Variants in SLC35F4 observed in about 807,000 individuals in gnomAD.
The protein encoded by SLC35F4 is solute carrier family 35 member F4.
Under a neutral mutation model 44.2 loss-of-function variants are expected in SLC35F4, and 24 were observed. That is an observed-to-expected ratio of 0.54 (90% CI 0.39 to 0.76). The LOEUF is 0.76. Ranked by LOEUF, SLC35F4 falls within the 30% of genes least tolerant of loss-of-function variation. SLC35F4 has a pLI of 0.00. For synonymous variants in SLC35F4, 238 were observed against 223.6 expected (o/e 1.06, Z -0.57); for missense variants, 562 against 586.1 (o/e 0.96, Z 0.42).
At chr14:57,721,488 G>C (rs915139327) in intron 1 of SLC35F4, among the ~76,000 whole-genome samples, 1 of 152,154 alleles carries the variant, frequency 6.6e-6, no homozygotes, top group African/African-American at 2.4e-5. Flanking sequence ...CCTCAAATCT[G>C]CTAATATCAC....
At chr14:57,612,363 C>G (rs2071564287) in intron 1 of SLC35F4, among the ~76,000 whole-genome samples, 1 of 152,136 alleles carries the variant, frequency 6.6e-6, no homozygotes, top group African/African-American at 2.4e-5. Flanking sequence ...CTGCCTTTTT[C>G]TCTAGCCTGG....
At chr14:57,763,965 A>G (rs1017294612) in intron 1 of SLC35F4, among the ~76,000 whole-genome samples, 13 of 152,236 alleles carry the variant, frequency 8.5e-5, no homozygotes, top group African/African-American at 2.9e-4. Context: ...GTTAGATCAC[A>G]AGAAACCTTG....
chr14:57,660,850 C>T (rs568166079), intron 1 of SLC35F4, among the ~76,000 whole-genome samples: 13 of 152,146 alleles, frequency 8.5e-5, no homozygotes, highest in African/African-American at 2.9e-4. Context: ...AGACCTGGGG[C>T]GAGAAACCCT....
intron 1 of SLC35F4, among the ~76,000 whole-genome samples, chr14:57,944,659 G>T (rs1391710033): frequency 7.1e-6 from 1 of 140,514 alleles, no homozygotes; most frequent in African/African-American, 2.7e-5. Context: ...GGAAGGGAGG[G>T]AGAGAGAGAA....
chr14:57,616,375 G>A (rs995747185), intron 1 of SLC35F4, among the ~76,000 whole-genome samples: 2 of 152,148 alleles, frequency 1.3e-5, no homozygotes, highest in African/African-American at 4.8e-5. Context: ...GTGCTACAAG[G>A]TTTATATATT....
intron 1 of SLC35F4, among the ~76,000 whole-genome samples, chr14:57,829,488 A>G (rs1884124432): frequency 6.6e-6 from 1 of 152,190 alleles, no homozygotes; most frequent in Non-Finnish European, 1.5e-5. Flanking sequence ...TACAAGCTGA[A>G]AGAGTTGTAC....
At chr14:57,865,057 G>GGCC (rs1888006531) in intron 1 of SLC35F4, among the ~76,000 whole-genome samples, 1 of 46,974 alleles carries the variant, frequency 2.1e-5, no homozygotes. Flanking sequence ...CCCCTTCTCA[G>GGCC]ACCCCCCCCC....
chr14:57,611,810 T>C (rs1256732426), intron 1 of SLC35F4, among the ~76,000 whole-genome samples: 1 of 151,802 alleles, frequency 6.6e-6, no homozygotes, highest in Admixed American at 6.6e-5. Flanking sequence ...CAAAGTCGAG[T>C]GAAGTTAGTC....
intron 1 of SLC35F4, among the ~76,000 whole-genome samples, chr14:57,964,516 C>T (rs1890397717): frequency 6.6e-6 from 1 of 152,196 alleles, no homozygotes; most frequent in East Asian, 1.9e-4. Context: ...GTAGCCTAAA[C>T]AAGTCAACGG....
chr14:57,872,461 G>C (rs1243954183), intron 1 of SLC35F4, among the ~76,000 whole-genome samples: 2 of 151,698 alleles, frequency 1.3e-5, no homozygotes, highest in Admixed American at 1.3e-4. Flanking sequence ...ATTTTCTTTT[G>C]TCTCACCTTT....
At chr14:57,842,565 C>A (rs1885587369) in intron 1 of SLC35F4, among the ~76,000 whole-genome samples, 2 of 152,136 alleles carry the variant, frequency 1.3e-5, no homozygotes, top group African/African-American at 2.4e-5. Context: ...TCATAGCAAA[C>A]TGCAGACATC....
At chr14:57,640,716 AT>A (rs2073189785) in intron 1 of SLC35F4, among the ~76,000 whole-genome samples, 1 of 152,064 alleles carries the variant, frequency 6.6e-6, no homozygotes, top group Non-Finnish European at 1.5e-5. Context: ...ATCATTTTGG[AT>A]AGCATATTTC....
chr14:57,842,242 G>C (rs1885561284), intron 1 of SLC35F4, among the ~76,000 whole-genome samples: 1 of 152,186 alleles, frequency 6.6e-6, no homozygotes, highest in Admixed American at 6.5e-5. Flanking sequence ...TCATATATCA[G>C]TTCATAGCAG....
chr14:57,782,349 T>G (rs1358129452), intron 1 of SLC35F4, among the ~76,000 whole-genome samples: 1 of 148,852 alleles, frequency 6.7e-6, no homozygotes, highest in African/African-American at 2.5e-5. Context: ...TTTGAAAAAC[T>G]CCCAGAAAAA....
At chr14:57,915,621 A>G (rs1310640054) in intron 1 of SLC35F4, among the ~76,000 whole-genome samples, 1 of 152,122 alleles carries the variant, frequency 6.6e-6, no homozygotes, top group East Asian at 1.9e-4. Context: ...TACCTTCCAT[A>G]AAGCCCCTGG....
Position 57,760,839 on chromosome 14 carries a change from C to A in SLC35F4, c.103+104884G>T, listed in dbSNP as rs578109354. 1.2e-4 allele frequency among the ~76,000 whole-genome samples: 18 copies of A among 152,270 alleles called. No homozygotes were observed. The East Asian group carries it at 2.7e-3, about 23-fold the overall frequency. On this transcript the variant is annotated intron_variant, in intron 1 of 7. Coordinates refer to ENST00000556826, the MANE Select transcript of SLC35F4 (RefSeq NM_001306087.2). ...ATACCAATAATCATGTAAGAAGGCT[C>A]TTTCCAGGGCGCTGGGTAGTTTCCT... is the stretch of plus-strand genomic sequence containing the variant.
chr14:57,969,387 T>C (rs190807635), intron 1 of SLC35F4, among the ~76,000 whole-genome samples: 212 of 152,318 alleles, frequency 1.4e-3, no homozygotes, highest in African/African-American at 4.5e-3. Context: ...TCAATGACAA[T>C]CTCATTGTCT....
chr14:57,650,946 A>T (rs1423606314), intron 1 of SLC35F4, among the ~76,000 whole-genome samples: 1 of 152,172 alleles, frequency 6.6e-6, no homozygotes, highest in Non-Finnish European at 1.5e-5. Flanking sequence ...TCTCAGACCA[A>T]ATACCACCTT....
intron 1 of SLC35F4, among the ~76,000 whole-genome samples, chr14:57,822,046 C>T (rs1296403654): frequency 6.6e-6 from 1 of 152,122 alleles, no homozygotes; most frequent in East Asian, 1.9e-4. Flanking sequence ...TACTACTGGC[C>T]CTGGCCTGGC....
Sources: allele counts gnomAD v4.1 joint callset (sites outside exome capture counted in the v4.1 genomes callset), GRCh38; gene constraint gnomAD v4.1.1; transcripts MANE v1.5; gene names NCBI Gene and HGNC (gene_info 2026-07-23, HGNC 2026-07-21).